PIAS1: variants seen among roughly 807,000 people sequenced by gnomAD.
PIAS1 encodes the protein protein inhibitor of activated STAT 1.
PIAS1 carries 6 observed loss-of-function variants against 71.3 expected under a neutral mutation model. The observed-to-expected ratio is 0.08, with a 90% CI of 0.05 to 0.17. The LOEUF (loss-of-function observed/expected upper bound fraction) is 0.17, where lower values mean the gene tolerates loss of function less well. Ranked by LOEUF, PIAS1 falls within the 10% of genes least tolerant of loss-of-function variation. PIAS1 has a pLI of 1.00. For missense variants in PIAS1, 555 were observed against 793.6 expected (o/e 0.70, Z 3.61); for synonymous variants, 303 against 292.9 (o/e 1.03, Z -0.35).
At chr15:68,090,023 A>G (rs906874066) in intron 2 of PIAS1, among the ~76,000 whole-genome samples, 13 of 150,334 alleles carry the variant, frequency 8.6e-5, no homozygotes, top group Non-Finnish European at 1.9e-4. Flanking sequence ...CAGACTACAG[A>G]CACGTGCCAC....
At chr15:68,140,901 TCTG>T (rs2092765768) in intron 2 of PIAS1, among the ~76,000 whole-genome samples, 1 of 152,200 alleles carries the variant, frequency 6.6e-6, no homozygotes, top group African/African-American at 2.4e-5. Flanking sequence ...AATAGTTTAA[TCTG>T]CTATTTCTTA....
At chr15:68,084,318 A>C (rs749061845) in intron 1 of PIAS1, among the ~76,000 whole-genome samples, 3 of 152,160 alleles carry the variant, frequency 2.0e-5, no homozygotes, top group Non-Finnish European at 4.4e-5. Flanking sequence ...TAATCCTTGA[A>C]GTTTCATGTT....
chr15:68,106,406 T>C (rs2092470515), intron 2 of PIAS1, among the ~76,000 whole-genome samples: 1 of 150,946 alleles, frequency 6.6e-6, no homozygotes, highest in Non-Finnish European at 1.5e-5. Flanking sequence ...AAAAAAACTT[T>C]AGAAAATAAC....
intron 3 of PIAS1, 82 bp downstream of exon 3, chr15:68,142,112 G>A: frequency 2.0e-6 from 2 of 1,015,238 alleles, no homozygotes; most frequent in Admixed American, 2.0e-5. Flanking sequence ...AACAGTGATT[G>A]GTGAGTTAGT....
At chr15:68,096,526 G>A (rs1413835218) in intron 2 of PIAS1, among the ~76,000 whole-genome samples, 1 of 151,478 alleles carries the variant, frequency 6.6e-6, no homozygotes, top group Non-Finnish European at 1.5e-5. Flanking sequence ...TGAGTATTAT[G>A]GACATTTAAA....
intron 2 of PIAS1, among the ~76,000 whole-genome samples, chr15:68,132,250 G>A (rs1406217258): frequency 2.6e-5 from 4 of 151,844 alleles, no homozygotes; most frequent in Non-Finnish European, 4.4e-5. Context: ...AGGCTGAGGC[G>A]GGCGGATCAC....
intron 2 of PIAS1, among the ~76,000 whole-genome samples, chr15:68,096,839 C>T (rs1239064062): frequency 6.6e-6 from 1 of 152,114 alleles, no homozygotes; most frequent in Non-Finnish European, 1.5e-5. Flanking sequence ...GAGTTTTCTA[C>T]ATACGTCATG....
chr15:68,088,043 G>A (rs1457155978), intron 2 of PIAS1, among the ~76,000 whole-genome samples: 1 of 151,442 alleles, frequency 6.6e-6, no homozygotes, highest in Non-Finnish European at 1.5e-5. Flanking sequence ...TAGTGTGTAT[G>A]CATATATAGT....
At chr15:68,097,989 A>G (rs1326623298) in intron 2 of PIAS1, among the ~76,000 whole-genome samples, 1 of 152,084 alleles carries the variant, frequency 6.6e-6, no homozygotes, top group African/African-American at 2.4e-5. Flanking sequence ...TAGGGCTCTA[A>G]TTTTATTTTT....
At chr15:68,143,373 A>G (rs1262531262) in intron 4 of PIAS1, among the ~76,000 whole-genome samples, 1 of 152,098 alleles carries the variant, frequency 6.6e-6, no homozygotes, top group Non-Finnish European at 1.5e-5. Flanking sequence ...CCTCTCATCT[A>G]AGCTTTGAAA....
intron 8 of PIAS1, among the ~76,000 whole-genome samples, chr15:68,165,875 C>T (rs1021665671): frequency 6.6e-6 from 1 of 152,040 alleles, no homozygotes; most frequent in Non-Finnish European, 1.5e-5. Context: ...AAGGACATGT[C>T]TGTTTCCTGA....
intron 6 of PIAS1, among the ~76,000 whole-genome samples, chr15:68,149,633 CT>C (rs569385584): frequency 3.9e-4 from 59 of 151,954 alleles, no homozygotes; most frequent in Admixed American, 1.8e-3. Flanking sequence ...AAAAAGAGAT[CT>C]TTTTTTCTGT....
rs1165230160 is a variant in PIAS1, at chr15:68,171,925, G to A, written c.1009-1807G>A. Among the ~76,000 whole-genome samples the A allele has an allele frequency of 6.6e-6, 1 of 150,732 alleles. No homozygotes were observed. The highest frequency in any genetic ancestry group is 2.1e-4 in the South Asian group (1 of 4,788). On this transcript the variant is annotated intron_variant, in intron 8 of 13. Coordinates refer to ENST00000249636, the MANE Select transcript of PIAS1 (RefSeq NM_016166.3). This position sits in a 1 kb window ranked among gnomAD's most constrained non-coding sequence, Gnocchi z 4.4. ...TCATATATATTTTTTTCTTTTATAT[G>A]TTTTATATATATATAAAATACTTTA...
At chr15:68,125,821 G>T (rs12905254) in intron 2 of PIAS1, among the ~76,000 whole-genome samples, 10 of 151,794 alleles carry the variant, frequency 6.6e-5, no homozygotes, top group Non-Finnish European at 1.5e-4. Flanking sequence ...CTGCCTCAGC[G>T]TCCTGAGTAG....
chr15:68,149,227 G>A (rs938787362), intron 6 of PIAS1, among the ~76,000 whole-genome samples: 2 of 151,996 alleles, frequency 1.3e-5, no homozygotes, highest in African/African-American at 4.8e-5. Context: ...TAGGCTTAAA[G>A]GATACATTTG....
chr15:68,143,074 C>CATAT (rs915923618), intron 4 of PIAS1, among the ~76,000 whole-genome samples: 21 of 150,640 alleles, frequency 1.4e-4, no homozygotes, highest in African/African-American at 4.9e-4. Flanking sequence ...CTTTTATATA[C>CATAT]ATATATATAT....
rs751782405 is a variant in PIAS1, at chr15:68,145,923, G to GT, written c.693+23dup. ...AGCCTTCCAGTAAGTCCTAAGAGCTGTTTTTTAAAATTCATTGCCAACATA... is the reference window on the plus strand; with the variant it reads ...AGCCTTCCAGTAAGTCCTAAGAGCTGTTTTTTTAAAATTCATTGCCAACATA... On this transcript the variant is annotated intron_variant, in intron 5 of 13. Coordinates refer to ENST00000249636, the MANE Select transcript of PIAS1 (RefSeq NM_016166.3). 254 of 1,462,452 alleles carry GT rather than the reference G, an allele frequency of 1.7e-4. No individual in the cohort carries two copies. The highest frequency in any genetic ancestry group is 2.3e-4 in the Non-Finnish European group (244 of 1,043,676). The allele number at this position is 1,462,452 out of a possible 1,614,324, so 90.6% of individuals were successfully genotyped here.
chr15:68,120,771 C>G (rs949224972), intron 2 of PIAS1, among the ~76,000 whole-genome samples: 1 of 152,162 alleles, frequency 6.6e-6, no homozygotes, highest in African/African-American at 2.4e-5. Context: ...TCTCCTGCCT[C>G]AGACTCCCAA....
intron 1 of PIAS1, among the ~76,000 whole-genome samples, chr15:68,083,475 C>T (rs1213886948): frequency 6.6e-6 from 1 of 152,138 alleles, no homozygotes; most frequent in Admixed American, 6.5e-5. Flanking sequence ...AATCCACATT[C>T]TTTTCTTATC....
Sources: allele counts gnomAD v4.1 joint callset (sites outside exome capture counted in the v4.1 genomes callset), GRCh38; gene constraint gnomAD v4.1.1; non-coding constraint Gnocchi (gnomAD v3.1); transcripts MANE v1.5; gene names NCBI Gene and HGNC (gene_info 2026-07-23, HGNC 2026-07-21).